Variants in ABCA4 observed in about 807,000 individuals in gnomAD.
ABCA4 encodes ATP binding cassette subfamily A member 4.
ABCA4 carries 196 observed loss-of-function variants against 263.7 expected under a neutral mutation model. The observed-to-expected ratio is 0.74, with a 90% confidence interval of 0.66 to 0.84. The LOEUF is 0.84. Among genes scored for constraint, ABCA4 ranks in the 40% least tolerant of loss-of-function variants. The pLI, the probability that ABCA4 is intolerant of heterozygous loss-of-function variation, is 0.00. For missense variants in ABCA4, 2,792 were observed against 2,855.1 expected, an observed-to-expected ratio of 0.98 and a Z score of 0.50; for synonymous variants, 1,133 against 1,094.2, an observed-to-expected ratio of 1.04 and a Z score of -0.70.
At chr1:94,038,142 G>T (rs867951474) in intron 24 of ABCA4, among the ~76,000 whole-genome samples, 1 of 151,698 alleles carries the variant, frequency 6.6e-6, no homozygotes, top group Non-Finnish European at 1.5e-5. Context: ...CAGAGGGGGG[G>T]TTGAGAAGCC....
At chr1:94,085,969 A>G (rs1661815870) in intron 6 of ABCA4, among the ~76,000 whole-genome samples, 1 of 152,092 alleles carries the variant, frequency 6.6e-6, no homozygotes, top group South Asian at 2.1e-4. Flanking sequence ...CTGCCCAGCC[A>G]CGCTCTCTTT....
At chr1:93,997,722 G>T in intron 48 of ABCA4, 139 bp downstream of exon 48, 1 of 1,120,382 alleles carries the variant, frequency 8.9e-7, no homozygotes, top group Non-Finnish European at 1.3e-6. Context: ...TGATATATCA[G>T]CTTTTACCCC....
At position 94,001,988 on chromosome 1, in the gene ABCA4, G is replaced by A. The variant is rs1336879013; in HGVS notation, c.6152C>T (p.Ala2051Val). 1.2e-6 allele frequency: 2 copies of A among 1,614,176 alleles called. No homozygotes were observed. The highest frequency in any genetic ancestry group is 1.7e-6 in the Non-Finnish European group (2 of 1,180,014). ...GVPAEEIEKV[A>V]NWSIKSLGLT... Reference sequence around the variant, plus strand: ...GCCCAGGCTCTTAATACTCCAGTTTGCAACCTAGGGAAGAGAAAGAAATGC... The same window carrying A: ...GCCCAGGCTCTTAATACTCCAGTTTACAACCTAGGGAAGAGAAAGAAATGC... The change falls in exon 45 of 50, where the codon GCA becomes GTA. Residue 2051 changes from alanine to valine, a missense_variant. Physicochemically the swap from Ala to Val is moderately conservative, Grantham distance 64. Coordinates refer to ENST00000370225, the MANE Select transcript of ABCA4 (RefSeq NM_000350.3).
chr1:94,061,304 C>T (rs1661121288), intron 13 of ABCA4: 1 of 182,242 alleles, frequency 5.5e-6, no homozygotes. Flanking sequence ...GCGAATGATC[C>T]ATCAATACAT....
intron 30 of ABCA4, among the ~76,000 whole-genome samples, chr1:94,026,940 A>AAG (rs928597617): frequency 2.0e-5 from 3 of 151,106 alleles, no homozygotes; most frequent in African/African-American, 4.9e-5. Context: ...GTGTGTGAGA[A>AAG]AGAGAGAGAG....
chr1:94,025,785 G>A (rs1571260858), intron 30 of ABCA4, among the ~76,000 whole-genome samples: 2 of 152,030 alleles, frequency 1.3e-5, no homozygotes, highest in South Asian at 2.1e-4. Context: ...GTTTCCTCCC[G>A]ATGGATCTGT....
intron 6 of ABCA4, among the ~76,000 whole-genome samples, chr1:94,084,312 G>T (rs1661779592): frequency 1.3e-5 from 2 of 152,222 alleles, no homozygotes; most frequent in African/African-American, 4.8e-5. Flanking sequence ...GTGAGCACTG[G>T]GCATGTGCCT....
intron 4 of ABCA4, among the ~76,000 whole-genome samples, chr1:94,107,609 C>T (rs1285552006): frequency 6.6e-6 from 1 of 152,178 alleles, no homozygotes; most frequent in Non-Finnish European, 1.5e-5. Flanking sequence ...TTCCTGACTC[C>T]AGGTGGCTCC....
At chr1:94,015,461 G>C (rs1659706245) in intron 37 of ABCA4, among the ~76,000 whole-genome samples, 1 of 152,108 alleles carries the variant, frequency 6.6e-6, no homozygotes, top group Non-Finnish European at 1.5e-5. Context: ...CCCAGGCTTT[G>C]GTCAAGGCCT....
intron 24 of ABCA4, 135 bp downstream of exon 24, chr1:94,039,908 A>G (rs1660440801): frequency 6.4e-6 from 5 of 776,306 alleles, no homozygotes; most frequent in Middle Eastern, 5.5e-4. Context: ...TCAAAGCAAA[A>G]GAACAACTGT....
chr1:94,044,023 C>T (rs1660595729), intron 20 of ABCA4, among the ~76,000 whole-genome samples: 1 of 151,110 alleles, frequency 6.6e-6, no homozygotes, highest in African/African-American at 2.4e-5. Flanking sequence ...CTTCCCTTTT[C>T]CTCCCTCCTG....
chr1:94,056,942 C>G, intron 14 of ABCA4, 120 bp from the exon 15 acceptor site: 2 of 833,594 alleles, frequency 2.4e-6, no homozygotes, highest in Non-Finnish European at 4.0e-6. Flanking sequence ...ACGCACACTC[C>G]ATGTGCTGAG....
intron 27 of ABCA4, 125 bp from the exon 28 acceptor site, chr1:94,031,245 AG>A: frequency 7.5e-7 from 1 of 1,334,778 alleles, no homozygotes; most frequent in Non-Finnish European, 1.0e-6. Flanking sequence ...CCTGGTGGAG[AG>A]GGTTGGGCTT....
chr1:94,026,319 C>T (rs928143040), intron 30 of ABCA4, among the ~76,000 whole-genome samples: 1 of 152,184 alleles, frequency 6.6e-6, no homozygotes, highest in African/African-American at 2.4e-5. Context: ...CCGAATGCTC[C>T]CTGTGTGTCG....
intron 44 of ABCA4, among the ~76,000 whole-genome samples, chr1:94,004,114 T>C (rs1659303504): frequency 6.6e-6 from 1 of 152,194 alleles, no homozygotes; most frequent in Non-Finnish European, 1.5e-5. Context: ...TCATGGCTAC[T>C]GGGGTGTTTT....
chr1:94,100,831 C>T (rs976855004), intron 5 of ABCA4, among the ~76,000 whole-genome samples: 1 of 152,178 alleles, frequency 6.6e-6, no homozygotes, highest in Non-Finnish European at 1.5e-5. Context: ...TGTTGGACAG[C>T]GCCCAGAGAG....
At chr1:94,024,894 C>T (rs56407132) in intron 31 of ABCA4, 60 bp downstream of exon 31, 223 of 1,390,114 alleles carry the variant, frequency 1.6e-4, no homozygotes, top group Non-Finnish European at 2.1e-4. Flanking sequence ...TATCTTCTGT[C>T]CCTAGTTAAT....
In ABCA4 at chr1:94,015,793, G is replaced by T; in HGVS notation, c.5258C>A (p.Ala1753Asp). Reference sequence around the variant, plus strand: ...AGGAAGGTTTTCTGGAGAAGTGTAGGCTTTCTTCTGAAACCCGATGAAGAT... The same window carrying T: ...AGGAAGGTTTTCTGGAGAAGTGTAGTCTTTCTTCTGAAACCCGATGAAGAT... ...VGIFIGFQKK[A>D]YTSPENLPAL... The change falls in exon 37 of 50, where the codon GCC becomes GAC. Residue 1753 changes from alanine (A) to aspartate (D), a missense_variant. Transcript: ENST00000370225. 6.2e-7 allele frequency: 1 copy of T among 1,614,010 alleles called. No homozygotes were observed. The highest frequency in any genetic ancestry group is 8.5e-7 in the Non-Finnish European group (1 of 1,180,020).
intron 3 of ABCA4, among the ~76,000 whole-genome samples, chr1:94,110,909 C>T (rs1357713842): frequency 6.6e-6 from 1 of 152,142 alleles, no homozygotes; most frequent in Non-Finnish European, 1.5e-5. Flanking sequence ...CTCCAGGGGG[C>T]CGATGGCAAT....
Sources: gnomAD v4.1 joint callset for allele counts (sites outside exome capture counted in the v4.1 genomes callset) on GRCh38, gnomAD v4.1.1 for gene constraint, MANE v1.5 for transcripts, NCBI Gene and HGNC (gene_info 2026-07-23, HGNC 2026-07-21) for gene names.